The following CDH20 variants were observed in gnomAD, a reference collection of about 807,000 sequenced individuals.
CDH20 encodes the protein cadherin-20.
Under a neutral mutation model 74.2 loss-of-function variants are expected in CDH20, and 29 were observed. The ratio of observed to expected loss-of-function variants is 0.39; its 90% confidence interval spans 0.29 to 0.53. CDH20 has a LOEUF of 0.53. Ranked by LOEUF, CDH20 falls within the 20% of genes least tolerant of loss-of-function variation. CDH20 has a pLI of 0.69. For synonymous variants in CDH20, 469 were observed against 405.4 expected (o/e 1.16, Z -1.88); for missense variants, 988 against 1,048.3 (o/e 0.94, Z 0.79).
intron 1 of CDH20, among the ~76,000 whole-genome samples, chr18:61,374,913 G>C (rs1046755907): frequency 2.6e-5 from 4 of 152,078 alleles, no homozygotes; most frequent in African/African-American, 9.7e-5. Context: ...CATGTCTTTA[G>C]CAATCTCTAA....
intron 1 of CDH20, among the ~76,000 whole-genome samples, chr18:61,422,863 T>C (rs939099651): frequency 4.6e-5 from 7 of 152,078 alleles, no homozygotes; most frequent in African/African-American, 1.7e-4. Flanking sequence ...CCATGACTCA[T>C]CTAACATAAA....
chr18:61,473,473 G>A (rs1424279464), intron 1 of CDH20, among the ~76,000 whole-genome samples: 2 of 151,996 alleles, frequency 1.3e-5, no homozygotes, highest in Non-Finnish European at 2.9e-5. Flanking sequence ...AAGTTTACAC[G>A]GGTTTCTTTT....
At chr18:61,449,928 TAAAG>T (rs1942897988) in intron 1 of CDH20, among the ~76,000 whole-genome samples, 1 of 152,020 alleles carries the variant, frequency 6.6e-6, no homozygotes, top group African/African-American at 2.4e-5. Flanking sequence ...TCTCTAGAAA[TAAAG>T]AAAACTTAGG....
chr18:61,554,224 C>A lies in CDH20; in HGVS notation c.1935C>A (p.His645Gln), dbSNP rs956095699. The A allele has an allele frequency of 1.2e-6, 2 of 1,613,158 alleles. No homozygotes were observed. The highest frequency in any genetic ancestry group is 1.7e-6 in the Non-Finnish European group (2 of 1,179,312). Reference sequence around the variant, plus strand: ...TGCTCATTTTGTCCATGAGGCGGCACCGGAAACAACCATACATCATCGACG... The same window carrying A: ...TGCTCATTTTGTCCATGAGGCGGCAACGGAAACAACCATACATCATCGACG... ...LVLLILSMRR[H>Q]RKQPYIIDDE... is the part of the protein sequence containing the mutation. The change falls in exon 12 of 12, where the codon CAC becomes CAA. Residue 645 changes from histidine (H) to glutamine (Q), a missense_variant. Coordinates refer to ENST00000262717, the MANE Select transcript of CDH20 (RefSeq NM_031891.4).
At chr18:61,434,691 G>A (rs1383695703) in intron 1 of CDH20, among the ~76,000 whole-genome samples, 1 of 152,098 alleles carries the variant, frequency 6.6e-6, no homozygotes, top group Non-Finnish European at 1.5e-5. Context: ...CAAGCTCCCT[G>A]AGCCAGAACT....
intron 1 of CDH20, among the ~76,000 whole-genome samples, chr18:61,366,675 T>C (rs1402866834): frequency 6.6e-6 from 1 of 152,130 alleles, no homozygotes; most frequent in Non-Finnish European, 1.5e-5. Context: ...TTATACAAAT[T>C]AGTCTAGAAA....
chr18:61,374,948 T>C (rs552393566), intron 1 of CDH20, among the ~76,000 whole-genome samples: 3 of 152,304 alleles, frequency 2.0e-5, no homozygotes, highest in African/African-American at 7.2e-5. Flanking sequence ...TGTGGGTGTT[T>C]ATAAGGACAG....
chr18:61,396,902 A>G (rs534307767), intron 1 of CDH20, among the ~76,000 whole-genome samples: 1 of 152,312 alleles, frequency 6.6e-6, no homozygotes, highest in Non-Finnish European at 1.5e-5. Flanking sequence ...TTGTCCACAC[A>G]CAGTCTCCTC....
intron 1 of CDH20, among the ~76,000 whole-genome samples, chr18:61,340,707 G>A (rs183198231): frequency 8.6e-4 from 131 of 152,178 alleles, no homozygotes; most frequent in African/African-American, 2.9e-3. Flanking sequence ...TAAACTCAGC[G>A]TCTTTGAACC....
intron 1 of CDH20, among the ~76,000 whole-genome samples, chr18:61,347,287 A>AATAT (rs758677743): frequency 0.012 from 1,040 of 86,304 alleles, 16 homozygotes; most frequent in South Asian, 0.025. Context: ...TGTCTCTGCT[A>AATAT]ATATATATAT....
chr18:61,341,505 A>T (rs943935489), intron 1 of CDH20, among the ~76,000 whole-genome samples: 1 of 152,104 alleles, frequency 6.6e-6, no homozygotes, highest in African/African-American at 2.4e-5. Flanking sequence ...CTCACAGGTC[A>T]TTGCATCTCA....
At chr18:61,455,875 A>G (rs1909555576) in intron 1 of CDH20, among the ~76,000 whole-genome samples, 1 of 152,242 alleles carries the variant, frequency 6.6e-6, no homozygotes, top group African/African-American at 2.4e-5. Context: ...TTTCAATTTT[A>G]TGTCAAATTA....
chr18:61,358,115 C>T (rs1910555996), intron 1 of CDH20, among the ~76,000 whole-genome samples: 1 of 150,016 alleles, frequency 6.7e-6, no homozygotes, highest in Non-Finnish European at 1.5e-5. Flanking sequence ...TGTTATTGTT[C>T]CTTTTTTTTT....
chr18:61,356,253 T>C (rs775984697), intron 1 of CDH20, among the ~76,000 whole-genome samples: 3 of 152,258 alleles, frequency 2.0e-5, no homozygotes, highest in Non-Finnish European at 4.4e-5. Context: ...ATCTTTGCAA[T>C]GTGCAGCAAA....
chr18:61,473,975 T>A (rs117985165), intron 1 of CDH20, among the ~76,000 whole-genome samples: 1 of 152,330 alleles, frequency 6.6e-6, no homozygotes, highest in East Asian at 1.9e-4. Flanking sequence ...TAGGCAAAAA[T>A]GAGTGAAATG....
At chr18:61,551,653 A>C (rs1017954320) in intron 11 of CDH20, among the ~76,000 whole-genome samples, 1 of 152,194 alleles carries the variant, frequency 6.6e-6, no homozygotes, top group Admixed American at 6.5e-5. Context: ...CTGGTCCCTG[A>C]CTGCATTGAC....
chr18:61,416,053 A>AC (rs1235733569), intron 1 of CDH20, among the ~76,000 whole-genome samples: 1 of 152,038 alleles, frequency 6.6e-6, no homozygotes, highest in Non-Finnish European at 1.5e-5. Context: ...TAAAAAAAAA[A>AC]AATATTAAGA....
At chr18:61,400,428 C>G (rs1242419928) in intron 1 of CDH20, among the ~76,000 whole-genome samples, 1 of 152,112 alleles carries the variant, frequency 6.6e-6, no homozygotes, top group Non-Finnish European at 1.5e-5. Context: ...TGCGAAAGAC[C>G]TAAAGGCAAA....
intron 6 of CDH20, among the ~76,000 whole-genome samples, chr18:61,524,115 C>T (rs1599145523): frequency 6.6e-6 from 1 of 151,844 alleles, no homozygotes; most frequent in South Asian, 2.1e-4. Context: ...AAATCACAGA[C>T]TAGGAGAAAA....
Sources: gnomAD v4.1 joint callset for allele counts (sites outside exome capture counted in the v4.1 genomes callset) on GRCh38, gnomAD v4.1.1 for gene constraint, MANE v1.5 for transcripts, NCBI Gene and HGNC (gene_info 2026-07-23, HGNC 2026-07-21) for gene names.